The following GRID2 variants were observed in gnomAD, a reference collection of about 807,000 sequenced individuals.
The protein encoded by GRID2 is glutamate receptor ionotropic, delta-2.
Under a neutral mutation model 114.8 loss-of-function variants are expected in GRID2, and 33 were observed. The ratio of observed to expected loss-of-function variants is 0.29; its 90% CI spans 0.22 to 0.38. The LOEUF (loss-of-function observed/expected upper bound fraction) is 0.38, where lower values mean the gene tolerates loss of function less well. Among genes scored for constraint, GRID2 ranks in the 10% least tolerant of loss-of-function variants. GRID2 has a pLI of 1.00. For missense variants in GRID2, 1,184 were observed against 1,257.7 expected, an observed-to-expected ratio of 0.94 and a Z score of 0.89; for synonymous variants, 505 against 449.9, an observed-to-expected ratio of 1.12 and a Z score of -1.55.
intron 2 of GRID2, among the ~76,000 whole-genome samples, chr4:92,709,587 A>ATATATATATAT (rs1296707680): frequency 9.2e-5 from 11 of 119,888 alleles, no homozygotes; most frequent in East Asian, 2.7e-4. Context: ...AAAAAAAAAA[A>ATATATATATAT]AAATATATAT....
At chr4:92,595,999 TG>T (rs1196059159) in intron 2 of GRID2, among the ~76,000 whole-genome samples, 1 of 152,142 alleles carries the variant, frequency 6.6e-6, no homozygotes, top group Non-Finnish European at 1.5e-5. Context: ...ATTTTTACTG[TG>T]ATTAAAAAAT....
chr4:93,107,488 C>A (rs752848821), intron 3 of GRID2, among the ~76,000 whole-genome samples: 167 of 152,022 alleles, frequency 1.1e-3, no homozygotes, highest in Middle Eastern at 0.01. Flanking sequence ...AGCTAAAAAA[C>A]GTTATATAGT....
At chr4:93,324,918 C>A (rs1361474093) in intron 8 of GRID2, among the ~76,000 whole-genome samples, 1 of 151,538 alleles carries the variant, frequency 6.6e-6, no homozygotes, top group Non-Finnish European at 1.5e-5. Flanking sequence ...CTATTTGATT[C>A]TTCTCTCTTT....
At chr4:92,696,892 G>T (rs990741946) in intron 2 of GRID2, among the ~76,000 whole-genome samples, 1 of 152,064 alleles carries the variant, frequency 6.6e-6, no homozygotes, top group African/African-American at 2.4e-5. Context: ...GATTTTATTT[G>T]ACATTCTTCT....
chr4:93,062,317 A>C (rs1361507190), intron 2 of GRID2, among the ~76,000 whole-genome samples: 3 of 152,132 alleles, frequency 2.0e-5, no homozygotes, highest in Non-Finnish European at 4.4e-5. Flanking sequence ...TATTTACCAA[A>C]ATTTCAAAAT....
intron 14 of GRID2, among the ~76,000 whole-genome samples, chr4:93,680,061 A>C (rs1264395191): frequency 6.6e-6 from 1 of 151,290 alleles, no homozygotes; most frequent in Non-Finnish European, 1.5e-5. Context: ...AGAGAGAAGA[A>C]TCAAATAGAT....
chr4:92,909,020 G>A (rs564245295), intron 2 of GRID2, among the ~76,000 whole-genome samples: 1 of 152,196 alleles, frequency 6.6e-6, no homozygotes, highest in East Asian at 1.9e-4. Flanking sequence ...CAATTTTCTT[G>A]AAAACTGATG....
chr4:93,482,236 C>T (rs1367733584), intron 11 of GRID2, among the ~76,000 whole-genome samples: 3 of 152,068 alleles, frequency 2.0e-5, no homozygotes, highest in Non-Finnish European at 4.4e-5. Flanking sequence ...GACACATACA[C>T]ATATGGTTAT....
chr4:93,101,461 T>G (rs1020817214), intron 3 of GRID2, among the ~76,000 whole-genome samples: 2 of 152,188 alleles, frequency 1.3e-5, no homozygotes, highest in Admixed American at 1.3e-4. Flanking sequence ...CAGTCTGCTC[T>G]CTATCTTCAT....
At chr4:92,643,490 G>T (rs1227758553) in intron 2 of GRID2, among the ~76,000 whole-genome samples, 2 of 151,676 alleles carry the variant, frequency 1.3e-5, no homozygotes, top group Non-Finnish European at 2.9e-5. Flanking sequence ...AAAGTTTTCA[G>T]AATATAAAAT....
At chr4:93,114,111 A>G (rs1297642358) in intron 4 of GRID2, among the ~76,000 whole-genome samples, 2 of 152,148 alleles carry the variant, frequency 1.3e-5, no homozygotes, top group African/African-American at 4.8e-5. Flanking sequence ...TGGGAAAGCA[A>G]CCAGTGATGA....
intron 13 of GRID2, among the ~76,000 whole-genome samples, chr4:93,607,623 A>T (rs1442725268): frequency 1.3e-5 from 2 of 152,124 alleles, no homozygotes; most frequent in African/African-American, 4.8e-5. Context: ...CTTTTGAAAA[A>T]GGCTATAACA....
chr4:93,777,962 AT>A (rs567797195), downstream of GRID2, among the ~76,000 whole-genome samples: 517 of 152,296 alleles, frequency 3.4e-3, 4 homozygotes, highest in African/African-American at 0.012. Context: ...CATCAGTATT[AT>A]TTTTTAAACA....
chr4:93,022,233 T>C (rs1210585752), intron 2 of GRID2, among the ~76,000 whole-genome samples: 1 of 151,822 alleles, frequency 6.6e-6, no homozygotes. Flanking sequence ...CACACATATA[T>C]ATATGTTTAT....
At chr4:93,091,590 T>C (rs1200972103) in intron 3 of GRID2, among the ~76,000 whole-genome samples, 1 of 152,140 alleles carries the variant, frequency 6.6e-6, no homozygotes, top group African/African-American at 2.4e-5. Flanking sequence ...CTCCAGCAAA[T>C]TGGTGTATTT....
intron 2 of GRID2, among the ~76,000 whole-genome samples, chr4:92,932,260 G>A (rs1040471457): frequency 3.3e-5 from 5 of 151,126 alleles, no homozygotes; most frequent in Non-Finnish European, 5.9e-5. Context: ...GACTTGGGTC[G>A]TCACCTTAAT....
intron 3 of GRID2, among the ~76,000 whole-genome samples, chr4:93,088,937 T>C (rs1730552666): frequency 6.6e-6 from 1 of 152,158 alleles, no homozygotes. Context: ...CACCCAAGAA[T>C]GTAATAATAA....
At chr4:92,920,056 G>C (rs1204738792) in intron 2 of GRID2, among the ~76,000 whole-genome samples, 1 of 152,152 alleles carries the variant, frequency 6.6e-6, no homozygotes, top group Non-Finnish European at 1.5e-5. Context: ...ATGTATTTAG[G>C]ATAGTTAGCT....
At chr4:92,487,661 C>G (rs1450522516) in intron 1 of GRID2, among the ~76,000 whole-genome samples, 1 of 152,076 alleles carries the variant, frequency 6.6e-6, no homozygotes, top group East Asian at 1.9e-4. Context: ...CCCACCCTTG[C>G]TGGCTTTACT....
Sources: allele counts gnomAD v4.1 joint callset (sites outside exome capture counted in the v4.1 genomes callset), GRCh38; gene constraint gnomAD v4.1.1; transcripts MANE v1.5; gene names NCBI Gene and HGNC (gene_info 2026-07-23, HGNC 2026-07-21).